Variants in GLP1R observed in about 807,000 individuals in gnomAD.
GLP1R encodes glucagon-like peptide 1 receptor.
GLP1R carries 32 observed loss-of-function variants against 68.4 expected under a neutral mutation model. That is an observed-to-expected ratio of 0.47 (90% confidence interval 0.35 to 0.63). The LOEUF (loss-of-function observed/expected upper bound fraction) is 0.63, where lower values mean the gene tolerates loss of function less well. Among genes scored for constraint, GLP1R ranks in the 20% least tolerant of loss-of-function variants. The pLI is 0.00. For missense variants in GLP1R, 502 were observed against 594.9 expected, an observed-to-expected ratio of 0.84 and a Z score of 1.62; for synonymous variants, 263 against 244.4, an observed-to-expected ratio of 1.08 and a Z score of -0.71.
rs1275005645 is a variant in GLP1R at position 39,057,457 on chromosome 6, T to G, written c.176-15T>G. ...TCACAAGCAGGGACTCAGAGACTGT[T>G]CTTTCTGCTCCCAGACTTGTTCTGC... is the stretch of plus-strand genomic sequence containing the variant. On this transcript the variant is annotated splice_polypyrimidine_tract_variant and intron_variant, in intron 2 of 12. Transcript: ENST00000373256. The G allele has an allele frequency of 3.8e-6, 6 of 1,561,678 alleles. No individual in the cohort carries two copies. The African/African-American group carries it at 4.1e-5, about 11-fold the overall frequency.
chr6:39,073,611 ACT>A lies in GLP1R; in HGVS notation c.670_671del (p.Leu224GlufsTer38). The A allele has an allele frequency of 6.2e-7, 1 of 1,613,026 alleles. No homozygotes were observed. Among genetic ancestry groups the A allele is most frequent in the Non-Finnish European group, 8.5e-7 (1 of 1,179,650 alleles). ...ATGACACCCTTCCTCTACCCCCAGG[ACT>A]CTCTGAGCTGCCGCCTGGTGTTTCT... On this transcript the variant is annotated frameshift_variant and splice_region_variant, in exon 7 of 13. Transcript: ENST00000373256. LOFTEE classifies it high-confidence loss of function.
intron 12 of GLP1R, among the ~76,000 whole-genome samples, chr6:39,081,492 C>T (rs967431986): frequency 6.6e-6 from 1 of 152,196 alleles, no homozygotes; most frequent in Non-Finnish European, 1.5e-5. Context: ...GCCTCCCTCC[C>T]ATCCCTGAGA....
At position 39,089,847 on chromosome 6, in the gene GLP1R, G is replaced by T. The variant is rs1287868190; in HGVS notation, c.*3774G>T. Among the ~76,000 whole-genome samples the T allele has an allele frequency of 6.6e-6, 1 of 152,126 alleles. No individual in the cohort carries two copies. The highest frequency in any genetic ancestry group is 2.4e-5 in the African/African-American group (1 of 41,422). On this transcript the variant is annotated 3_prime_UTR_variant, in exon 13 of 13. Coordinates refer to ENST00000373256, the MANE Select transcript of GLP1R (RefSeq NM_002062.5). This position sits in a 1 kb window ranked among gnomAD's most constrained non-coding sequence, Gnocchi z 4.1. ...CAGGGAAGGCAAAATCTATTCCAAA[G>T]GTTTATTTTCCCTCTGTTGAATTGA...
At chr6:39,062,592 G>A (rs781324089) in intron 3 of GLP1R, among the ~76,000 whole-genome samples, 4 of 152,318 alleles carry the variant, frequency 2.6e-5, no homozygotes, top group Non-Finnish European at 5.9e-5. Flanking sequence ...TGCAGCGGCC[G>A]GGGGTCCACA....
chr6:39,070,030 T>A (rs868331178), intron 5 of GLP1R, among the ~76,000 whole-genome samples: 1 of 152,200 alleles, frequency 6.6e-6, no homozygotes, highest in South Asian at 2.1e-4. Context: ...GTGAACACTA[T>A]GCCCTCACAT....
chr6:39,085,759 T>A, intron 12 of GLP1R, 147 bp from the exon 13 acceptor site: 2 of 732,106 alleles, frequency 2.7e-6, no homozygotes, highest in East Asian at 5.0e-5. Context: ...TATTGGGATA[T>A]TAATTTAGGA....
Position 39,087,581 on chromosome 6 carries a change from C to A in GLP1R, c.*1508C>A, listed in dbSNP as rs201398261. Reference sequence around the variant, plus strand: ...CTCCGGGGAGAGCAGAGGGTTCCGACGGATTCCTTTATGAGTCAGTCTCTC... The same window carrying A: ...CTCCGGGGAGAGCAGAGGGTTCCGAAGGATTCCTTTATGAGTCAGTCTCTC... On this transcript the variant is annotated 3_prime_UTR_variant, in exon 13 of 13. Coordinates refer to ENST00000373256, the MANE Select transcript of GLP1R (RefSeq NM_002062.5). 1 of 152,280 alleles carries A rather than the reference C, an allele frequency of 6.6e-6. No homozygotes were observed. The highest frequency in any genetic ancestry group is 1.9e-4 in the East Asian group (1 of 5,184). The allele number at this position is 152,280 out of a possible 1,614,324, so 9.4% of individuals were successfully genotyped here.
rs997310936 is a variant in GLP1R at position 39,087,813 on chromosome 6, A to G, written c.*1740A>G. On this transcript the variant is annotated 3_prime_UTR_variant, in exon 13 of 13. Coordinates refer to ENST00000373256, the MANE Select transcript of GLP1R (RefSeq NM_002062.5). ...CGGGCTAAAGAAAGGAATTGTGTGG[A>G]TGGCTGCCTTGACTGAGACAATATG... 1.3e-5 allele frequency: 2 copies of G among 152,176 alleles called. No individual in the cohort carries two copies. The highest frequency in any genetic ancestry group is 4.8e-5 in the African/African-American group (2 of 41,440). 9.4% of individuals were successfully genotyped at this position (152,176 alleles called of 1,614,324 possible). A position where few individuals can be genotyped will look rare whatever the true frequency, so the allele number is the denominator to read the frequency against.
At chr6:39,067,243 G>A (rs1338439369) in intron 5 of GLP1R, among the ~76,000 whole-genome samples, 1 of 152,138 alleles carries the variant, frequency 6.6e-6, no homozygotes, top group Non-Finnish European at 1.5e-5. Flanking sequence ...GAAATATATA[G>A]CAAGGTTCTG....
Position 39,090,740 on chromosome 6 carries a change from C to A in GLP1R, c.*4667C>A, listed in dbSNP as rs2150843169. ...ATGACTAATTATTGCTGTGTCAAAG[C>A]AATTCAGGACAAGAAAAACATATCT... is the stretch of plus-strand genomic sequence containing the variant. On this transcript the variant is annotated 3_prime_UTR_variant, in exon 13 of 13. Coordinates refer to ENST00000373256, the MANE Select transcript of GLP1R (RefSeq NM_002062.5). Among the ~76,000 whole-genome samples, 1 of 152,188 alleles carries A rather than the reference C, an allele frequency of 6.6e-6. No homozygotes were observed. The highest frequency in any genetic ancestry group is 1.9e-4 in the East Asian group (1 of 5,174).
At chr6:39,061,448 A>C (rs1427245183) in intron 3 of GLP1R, among the ~76,000 whole-genome samples, 4 of 152,202 alleles carry the variant, frequency 2.6e-5, no homozygotes, top group Admixed American at 2.0e-4. Context: ...GAGTCATAAA[A>C]TGCTTTAAAA....
At chr6:39,072,522 C>A (rs1768698370) in intron 5 of GLP1R, among the ~76,000 whole-genome samples, 1 of 152,214 alleles carries the variant, frequency 6.6e-6, no homozygotes, top group African/African-American at 2.4e-5. Context: ...GCCCTGTCAA[C>A]AAGAAGCAGT....
chr6:39,048,973 C>A, intron 1 of GLP1R, 55 bp downstream of exon 1: 1 of 713,160 alleles, frequency 1.4e-6, no homozygotes, highest in Non-Finnish European at 2.1e-6. Context: ...CTGCGGGCTG[C>A]AGGCGCAGTG....
rs917438461 is a variant in GLP1R at position 39,087,918 on chromosome 6, G to T, written c.*1845G>T. ...CCTTATTTGCTGTCTCTTCGTAAGC[G>T]TGGGCACCAGTGGGTTGATGTGGGA... On this transcript the variant is annotated 3_prime_UTR_variant, in exon 13 of 13. Coordinates refer to ENST00000373256, the MANE Select transcript of GLP1R (RefSeq NM_002062.5). 5.3e-5 allele frequency among the ~76,000 whole-genome samples: 8 copies of T among 152,154 alleles called. No individual in the cohort carries two copies. Among genetic ancestry groups the T allele is most frequent in the Admixed American group, 1.3e-4 (2 of 15,282 alleles).
rs1455936300 is a variant in GLP1R at position 39,065,708 on chromosome 6, C to T, written c.284-3C>T. The T allele has an allele frequency of 2.6e-6, 4 of 1,553,776 alleles. No individual in the cohort carries two copies. Among genetic ancestry groups the T allele is most frequent in the Non-Finnish European group, 3.5e-6 (4 of 1,146,208 alleles). On this transcript the variant is annotated splice_polypyrimidine_tract_variant and splice_region_variant and intron_variant, in intron 3 of 12. Coordinates refer to ENST00000373256, the MANE Select transcript of GLP1R (RefSeq NM_002062.5). ...GGCTCAGGGCCAGGTCTCCCCACCC[C>T]AGTGCCGCAGGGCCACGTGTACCGG...
At chr6:39,058,294 T>C (rs1368615326) in intron 3 of GLP1R, among the ~76,000 whole-genome samples, 2 of 152,188 alleles carry the variant, frequency 1.3e-5, no homozygotes, top group Admixed American at 6.5e-5. Flanking sequence ...GACATTTAGC[T>C]ACTTCCTCAC....
intron 5 of GLP1R, among the ~76,000 whole-genome samples, chr6:39,071,574 C>T (rs540853289): frequency 1.3e-3 from 192 of 151,942 alleles, no homozygotes; most frequent in Non-Finnish European, 2.4e-3. Context: ...GATAGCCTTT[C>T]CTTCCCCCTT....
intron 7 of GLP1R, among the ~76,000 whole-genome samples, chr6:39,076,287 C>G (rs1397366082): frequency 6.6e-6 from 1 of 152,182 alleles, no homozygotes; most frequent in Non-Finnish European, 1.5e-5. Flanking sequence ...GTTCCATTCT[C>G]ACTGGGCATC....
At chr6:39,060,828 G>A (rs920588280) in intron 3 of GLP1R, among the ~76,000 whole-genome samples, 4 of 152,232 alleles carry the variant, frequency 2.6e-5, no homozygotes, top group African/African-American at 9.6e-5. Flanking sequence ...TAGGAGCTAG[G>A]GATGCCACTG....
Sources: allele counts gnomAD v4.1 joint callset (sites outside exome capture counted in the v4.1 genomes callset), GRCh38; gene constraint gnomAD v4.1.1; non-coding constraint Gnocchi (gnomAD v3.1); transcripts MANE v1.5; gene names NCBI Gene and HGNC (gene_info 2026-07-23, HGNC 2026-07-21).